CREB5: variants seen among roughly 807,000 people sequenced by gnomAD.
CREB5 encodes the protein cAMP responsive element binding protein 5.
In CREB5, 19 loss-of-function variants were observed where a neutral mutation model predicts 57.1. That is an observed-to-expected ratio of 0.33 (90% CI 0.23 to 0.49). The LOEUF (loss-of-function observed/expected upper bound fraction) is 0.49. CREB5 is among the 20% of genes least tolerant of loss of function. The pLI, the probability that CREB5 is intolerant of heterozygous loss-of-function variation, is 0.99. For missense variants in CREB5, 579 were observed against 671.6 expected, an observed-to-expected ratio of 0.86 and a Z score of 1.52; for synonymous variants, 238 against 238.3, an observed-to-expected ratio of 1.00 and a Z score of 0.01.
At chr7:28,713,105 T>G (rs1802489690) in intron 5 of CREB5, among the ~76,000 whole-genome samples, 1 of 152,186 alleles carries the variant, frequency 6.6e-6, no homozygotes, top group African/African-American at 2.4e-5. Flanking sequence ...CAGGCTGGAG[T>G]GCAGTGGCAA....
intron 7 of CREB5, among the ~76,000 whole-genome samples, chr7:28,754,930 T>A (rs1406166712): frequency 1.3e-5 from 2 of 152,180 alleles, no homozygotes; most frequent in Non-Finnish European, 2.9e-5. Context: ...AAATCTTTCC[T>A]GGAAAACTTT....
chr7:28,733,042 A>G (rs1803753299), intron 7 of CREB5, among the ~76,000 whole-genome samples: 1 of 152,178 alleles, frequency 6.6e-6, no homozygotes, highest in African/African-American at 2.4e-5. Flanking sequence ...GTCCCAGACA[A>G]TAAAGGCATG....
intron 1 of CREB5, among the ~76,000 whole-genome samples, chr7:28,457,749 T>C (rs1441052903): frequency 2.6e-5 from 4 of 151,992 alleles, no homozygotes; most frequent in Non-Finnish European, 4.4e-5. Flanking sequence ...TAAGGTAGGA[T>C]TGGGGGTAGG....
intron 5 of CREB5, among the ~76,000 whole-genome samples, chr7:28,699,235 A>G (rs990141338): frequency 6.6e-6 from 1 of 151,204 alleles, no homozygotes; most frequent in African/African-American, 2.4e-5. Context: ...ATATCGGTTT[A>G]GAAACTAGAG....
chr7:28,559,445 G>A (rs1794995307), intron 4 of CREB5, among the ~76,000 whole-genome samples: 1 of 152,130 alleles, frequency 6.6e-6, no homozygotes, highest in Admixed American at 6.5e-5. Context: ...CTCCTGAGTA[G>A]CGGGGATTAC....
chr7:28,714,190 C>A (rs1802553669), intron 5 of CREB5, among the ~76,000 whole-genome samples: 1 of 152,112 alleles, frequency 6.6e-6, no homozygotes, highest in Non-Finnish European at 1.5e-5. Context: ...GTCTCGAACT[C>A]CTGGGCTTAA....
At chr7:28,638,239 A>G (rs1329018596) in intron 5 of CREB5, among the ~76,000 whole-genome samples, 1 of 149,188 alleles carries the variant, frequency 6.7e-6, no homozygotes, top group African/African-American at 2.5e-5. Context: ...CTTCATTCAA[A>G]TTGCTATCTT....
chr7:28,559,819 G>T (rs546437962), intron 4 of CREB5, among the ~76,000 whole-genome samples: 1 of 152,324 alleles, frequency 6.6e-6, no homozygotes, highest in Admixed American at 6.5e-5. Flanking sequence ...GAAAACAAGA[G>T]GCTGTGTTCC....
At chr7:28,376,677 A>G (rs1786836090) in intron 1 of CREB5, among the ~76,000 whole-genome samples, 1 of 152,174 alleles carries the variant, frequency 6.6e-6, no homozygotes, top group South Asian at 2.1e-4. Context: ...TGTTAGACAC[A>G]TGTTCTATGT....
At chr7:28,541,926 T>C (rs1317786140) in intron 4 of CREB5, among the ~76,000 whole-genome samples, 1 of 152,230 alleles carries the variant, frequency 6.6e-6, no homozygotes, top group Admixed American at 6.5e-5. Context: ...CCATTCTCTC[T>C]TGTTTCTATG....
chr7:28,617,085 C>T lies in CREB5; in HGVS notation c.464+46548C>T, dbSNP rs1797621958. Reference sequence around the variant, plus strand: ...TGGAAGTCTTTCTAAAAATCATCCACAAGAAGGATTCCAGGTACATGAGAG... The same window carrying T: ...TGGAAGTCTTTCTAAAAATCATCCATAAGAAGGATTCCAGGTACATGAGAG... On this transcript the variant is annotated intron_variant, in intron 5 of 10. Transcript: ENST00000357727. Among the ~76,000 whole-genome samples the T allele has an allele frequency of 2.0e-5, 3 of 152,182 alleles. No individual in the cohort carries two copies. In the South Asian group the frequency reaches 6.2e-4, roughly 31 times the overall value.
At chr7:28,813,078 T>C (rs1296751870) in intron 9 of CREB5, among the ~76,000 whole-genome samples, 25 of 152,198 alleles carry the variant, frequency 1.6e-4, no homozygotes, top group Admixed American at 1.6e-3. Flanking sequence ...GGGAAAATAT[T>C]AGAAACCACC....
At chr7:28,765,706 C>T (rs6959280) in intron 7 of CREB5, among the ~76,000 whole-genome samples, 95,904 of 152,068 alleles carry the variant, frequency 0.63, 31,211 homozygotes, top group Middle Eastern at 0.75. Context: ...TGTTGGTATT[C>T]ACAGCAGAGG....
intron 1 of CREB5, among the ~76,000 whole-genome samples, chr7:28,361,266 G>T (rs940734193): frequency 2.6e-5 from 4 of 152,132 alleles, no homozygotes; most frequent in African/African-American, 9.7e-5. Context: ...TTCCCGTTAT[G>T]GCTCTTTCTA....
intron 4 of CREB5, among the ~76,000 whole-genome samples, chr7:28,529,085 T>C (rs1793603541): frequency 6.6e-6 from 1 of 152,226 alleles, no homozygotes; most frequent in South Asian, 2.1e-4. Context: ...AACAGATTCC[T>C]GATTCTTCTG....
chr7:28,543,237 A>C (rs1794276457), intron 4 of CREB5, among the ~76,000 whole-genome samples: 1 of 152,234 alleles, frequency 6.6e-6, no homozygotes, highest in African/African-American at 2.4e-5. Flanking sequence ...GCATAAAATG[A>C]AAAGTAAAGT....
chr7:28,737,562 TATA>T (rs1804080324), intron 7 of CREB5, among the ~76,000 whole-genome samples: 1 of 110,152 alleles, frequency 9.1e-6, no homozygotes, highest in East Asian at 2.4e-4. Flanking sequence ...TATATATATA[TATA>T]TATATATATA....
At chr7:28,365,413 C>G (rs1436323709) in intron 1 of CREB5, among the ~76,000 whole-genome samples, 1 of 152,138 alleles carries the variant, frequency 6.6e-6, no homozygotes, top group Non-Finnish European at 1.5e-5. Flanking sequence ...GAATTATCAC[C>G]TTTCCTCCCG....
chr7:28,714,408 C>T (rs1219069119), intron 5 of CREB5, among the ~76,000 whole-genome samples: 1 of 152,156 alleles, frequency 6.6e-6, no homozygotes. Context: ...GAGAGTTTAA[C>T]AGATAGTCCC....
Sources: allele counts gnomAD v4.1 joint callset (sites outside exome capture counted in the v4.1 genomes callset), GRCh38; gene constraint gnomAD v4.1.1; transcripts MANE v1.5; gene names NCBI Gene and HGNC (gene_info 2026-07-23, HGNC 2026-07-21).